Variants in DYSF observed in about 807,000 individuals in gnomAD.
DYSF encodes dystrophy-associated fer-1-like 1.
Under a neutral mutation model 274.9 loss-of-function variants are expected in DYSF, and 212 were observed. The ratio of observed to expected loss-of-function variants is 0.77; its 90% confidence interval spans 0.69 to 0.86. The LOEUF (loss-of-function observed/expected upper bound fraction) is 0.86. DYSF is among the 40% of genes least tolerant of loss of function. DYSF has a pLI of 0.00. For synonymous variants in DYSF, 1,091 were observed against 1,078.7 expected (o/e 1.01, Z -0.22); for missense variants, 2,666 against 2,783.2 (o/e 0.96, Z 0.95).
At chr2:71,484,499 C>T (rs2083209299) in intron 3 of DYSF, among the ~76,000 whole-genome samples, 1 of 152,176 alleles carries the variant, frequency 6.6e-6, no homozygotes, top group East Asian at 1.9e-4. Context: ...AGACATTTAT[C>T]ATTTCTTGTG....
chr2:71,550,951 C>A, intron 17 of DYSF, 90 bp from the exon 18 acceptor site: 1 of 1,108,308 alleles, frequency 9.0e-7, no homozygotes, highest in Non-Finnish European at 1.4e-6. Flanking sequence ...AACTGAGGGC[C>A]AGGGGTGGGC....
rs551236251 is a variant in DYSF at position 71,611,163 on chromosome 2, G to T, written c.3958-82G>T. Reference sequence around the variant, plus strand: ...CTCCCTGCACTTGGCATTTCTTTCTGTCCTATCTGTCCTTCTCTCTTGTCT... The same window carrying T: ...CTCCCTGCACTTGGCATTTCTTTCTTTCCTATCTGTCCTTCTCTCTTGTCT... On this transcript the variant is annotated intron_variant, in intron 36 of 55. Transcript: ENST00000410020. 8 of 1,039,120 alleles carry T rather than the reference G, an allele frequency of 7.7e-6. No individual in the cohort carries two copies. The East Asian group carries it at 1.9e-4, about 25-fold the overall frequency. The allele number at this position is 1,039,120 out of a possible 1,614,324, so 64.4% of individuals were successfully genotyped here. A position where few individuals can be genotyped will look rare whatever the true frequency, so the allele number is the denominator to read the frequency against.
intron 3 of DYSF, among the ~76,000 whole-genome samples, chr2:71,483,611 G>A (rs2083116372): frequency 6.6e-6 from 1 of 152,198 alleles, no homozygotes; most frequent in African/African-American, 2.4e-5. Flanking sequence ...CCAGGCTGAG[G>A]AGAATAGCAG....
chr2:71,503,757 C>T (rs2085215604), intron 4 of DYSF, among the ~76,000 whole-genome samples: 1 of 151,426 alleles, frequency 6.6e-6, no homozygotes, highest in Non-Finnish European at 1.5e-5. Flanking sequence ...AGAGCCCTCT[C>T]CCCTGCCCAC....
chr2:71,485,237 A>C (rs2083270602), intron 3 of DYSF, among the ~76,000 whole-genome samples: 2 of 152,294 alleles, frequency 1.3e-5, no homozygotes, highest in East Asian at 3.9e-4. Flanking sequence ...CCAAAGCAAC[A>C]CTGTCATGAG....
chr2:71,509,317 C>T (rs2085835741), intron 4 of DYSF, among the ~76,000 whole-genome samples: 1 of 152,100 alleles, frequency 6.6e-6, no homozygotes, highest in African/African-American at 2.4e-5. Flanking sequence ...CGTGGGCCAC[C>T]ATGCCTGGCT....
chr2:71,607,588 G>A (rs76692524), intron 36 of DYSF, among the ~76,000 whole-genome samples: 1,613 of 152,310 alleles, frequency 0.011, 32 homozygotes, highest in African/African-American at 0.036. Context: ...CCAAGTGAAA[G>A]GGGGATGCTG....
At chr2:71,630,900 G>A (rs1320378859) in intron 41 of DYSF, among the ~76,000 whole-genome samples, 1 of 152,164 alleles carries the variant, frequency 6.6e-6, no homozygotes, top group Admixed American at 6.5e-5. Flanking sequence ...TCTTTCTCTG[G>A]ATTAATACAT....
intron 4 of DYSF, among the ~76,000 whole-genome samples, chr2:71,511,204 C>T (rs548660004): frequency 2.0e-4 from 30 of 152,310 alleles, no homozygotes; most frequent in African/African-American, 5.8e-4. Context: ...CGGTGCAAGC[C>T]GGGGCAGCTG....
At chr2:71,574,098 G>A in intron 29 of DYSF, 100 bp from the exon 30 acceptor site, 1 of 1,447,406 alleles carries the variant, frequency 6.9e-7, no homozygotes, top group Non-Finnish European at 9.5e-7. Flanking sequence ...GGAGCTGGTG[G>A]GGAGTTGTCA....
At chr2:71,454,580 G>A (rs1351895676) in intron 1 of DYSF, among the ~76,000 whole-genome samples, 1 of 152,196 alleles carries the variant, frequency 6.6e-6, no homozygotes, top group Non-Finnish European at 1.5e-5. Context: ...GGAGGCGAAG[G>A]CACCCTACCC....
chr2:71,512,995 T>A (rs2086253535), intron 5 of DYSF, among the ~76,000 whole-genome samples: 1 of 152,068 alleles, frequency 6.6e-6, no homozygotes, highest in African/African-American at 2.4e-5. Flanking sequence ...GTCCGAATAC[T>A]CTGGGACTGT....
At chr2:71,557,515 C>A (rs114381220) in intron 22 of DYSF, among the ~76,000 whole-genome samples, 2,329 of 152,062 alleles carry the variant, frequency 0.015, 36 homozygotes, top group Non-Finnish European at 0.02. Flanking sequence ...CTAAATGCTG[C>A]AATGTGAGGA....
Position 71,665,301 on chromosome 2 carries a change from A to G in DYSF, c.5314A>G (p.Ile1772Val), listed in dbSNP as rs768208859. ...FQDKEYSIEE[I>V]EAGRIPNPHL... The stretch of plus-strand genomic sequence containing the variant: ...GGATAAAGAATATTCCATTGAAGAG[A>G]TAGGTGAGCTGCCACATGACCCCAA... The change falls in exon 47 of 56, where the codon ATA becomes GTA. Residue 1772 changes from isoleucine to valine, a missense_variant. Ile to Val is a conservative substitution (Grantham distance 29). Coordinates refer to ENST00000410020, the MANE Select transcript of DYSF (RefSeq NM_001130987.2). The G allele has an allele frequency of 6.2e-7, 1 of 1,614,120 alleles. No individual in the cohort carries two copies. The highest frequency in any genetic ancestry group is 8.5e-7 in the Non-Finnish European group (1 of 1,180,004).
intron 4 of DYSF, among the ~76,000 whole-genome samples, chr2:71,509,920 T>C (rs1295377540): frequency 1.3e-5 from 2 of 151,926 alleles, no homozygotes; most frequent in East Asian, 3.9e-4. Flanking sequence ...GGATTACAGG[T>C]GCATGCCACC....
rs150029218 is a variant in DYSF at position 71,513,880 on chromosome 2, A to G, written c.718A>G (p.Thr240Ala). The G allele has an allele frequency of 1.2e-4, 192 of 1,614,214 alleles. No homozygotes were observed. The highest frequency in any genetic ancestry group is 6.8e-4 in the Admixed American group (41 of 60,026). ...GATCAAAAGAAAGCGAAGTGCGCCT[A>G]CATCTAGAAAGCTGCTGTCAGACAA... is the stretch of plus-strand genomic sequence containing the variant. ...PGIKRKRSAPTSRKLLSDKPQ... is the reference protein window; with the variant it reads ...PGIKRKRSAPASRKLLSDKPQ... The change falls in exon 7 of 56, where the codon ACA becomes GCA. Residue 240 changes from threonine (T) to alanine (A), a missense_variant. Transcript: ENST00000410020.
At chr2:71,544,244 G>A (rs2090274847) in intron 17 of DYSF, among the ~76,000 whole-genome samples, 1 of 152,022 alleles carries the variant, frequency 6.6e-6, no homozygotes, top group South Asian at 2.1e-4. Context: ...TTCAGTGTTG[G>A]TATCTCTCAC....
At chr2:71,564,380 C>T (rs1161278123) in intron 24 of DYSF, among the ~76,000 whole-genome samples, 167 bp downstream of exon 24, 1 of 152,182 alleles carries the variant, frequency 6.6e-6, no homozygotes, top group East Asian at 1.9e-4. Flanking sequence ...TCCTCGGTTA[C>T]CCCCGAAGTC....
chr2:71,464,327 G>C (rs78624083), upstream of DYSF, among the ~76,000 whole-genome samples: 5,141 of 152,306 alleles, frequency 0.034, 166 homozygotes, highest in African/African-American at 0.082. Flanking sequence ...AAAACCCCTG[G>C]CTCCTTGGAG....
Sources: gnomAD v4.1 joint callset for allele counts (sites outside exome capture counted in the v4.1 genomes callset) on GRCh38, gnomAD v4.1.1 for gene constraint, MANE v1.5 for transcripts, NCBI Gene and HGNC (gene_info 2026-07-23, HGNC 2026-07-21) for gene names.